PLAG1: variants seen among roughly 807,000 people sequenced by gnomAD.
PLAG1 encodes zinc finger protein PLAG1.
In PLAG1, 7 loss-of-function variants were observed where a neutral mutation model predicts 35.5. The observed-to-expected ratio is 0.20, with a 90% CI of 0.11 to 0.37. PLAG1 has a LOEUF of 0.37. PLAG1 is among the 10% of genes least tolerant of loss of function. PLAG1 has a pLI of 1.00. For synonymous variants in PLAG1, 229 were observed against 225.4 expected (o/e 1.02, Z -0.14); for missense variants, 454 against 602.8 (o/e 0.75, Z 2.58).
chr8:56,185,845 CA>C (rs1679038027), intron 1 of PLAG1, among the ~76,000 whole-genome samples: 1 of 152,200 alleles, frequency 6.6e-6, no homozygotes, highest in South Asian at 2.1e-4. Flanking sequence ...TGAAGTGTTT[CA>C]ATTCAGCCTC....
chr8:56,192,791 G>A (rs1470106329), intron 1 of PLAG1, among the ~76,000 whole-genome samples: 1 of 152,116 alleles, frequency 6.6e-6, no homozygotes, highest in East Asian at 1.9e-4. Flanking sequence ...GTGTTTGGAG[G>A]CAAAAAGCAG....
At chr8:56,188,928 A>T (rs1812098144) in intron 1 of PLAG1, among the ~76,000 whole-genome samples, 1 of 152,220 alleles carries the variant, frequency 6.6e-6, no homozygotes, top group African/African-American at 2.4e-5. Flanking sequence ...CAAAGGGGAA[A>T]AGATGACTCC....
intron 1 of PLAG1, among the ~76,000 whole-genome samples, chr8:56,192,701 T>C (rs551223018): frequency 1.3e-5 from 2 of 152,384 alleles, no homozygotes; most frequent in South Asian, 2.1e-4. Context: ...AATGTTATCA[T>C]GATTGCTTAT....
chr8:56,193,737 G>A (rs1230236453), intron 1 of PLAG1, among the ~76,000 whole-genome samples: 3 of 136,958 alleles, frequency 2.2e-5, no homozygotes, highest in East Asian at 2.2e-4. Context: ...TCACTCTGTC[G>A]CCCAGGCTGG....
chr8:56,202,684 C>T (rs902795841), intron 1 of PLAG1, among the ~76,000 whole-genome samples: 2 of 152,150 alleles, frequency 1.3e-5, no homozygotes, highest in African/African-American at 2.4e-5. Context: ...TCAAGCACCA[C>T]ATGAGATCTA....
At chr8:56,170,909 T>C (rs1811505735) in intron 3 of PLAG1, among the ~76,000 whole-genome samples, 182 bp downstream of exon 3, 1 of 152,232 alleles carries the variant, frequency 6.6e-6, no homozygotes, top group South Asian at 2.1e-4. Flanking sequence ...TCATGGCTGA[T>C]AATACCTTTT....
At chr8:56,190,756 C>T (rs1381145881) in intron 1 of PLAG1, among the ~76,000 whole-genome samples, 2 of 151,984 alleles carry the variant, frequency 1.3e-5, no homozygotes, top group Admixed American at 6.6e-5. Flanking sequence ...GGGCAGTACC[C>T]AGGGCATAAG....
intron 1 of PLAG1, among the ~76,000 whole-genome samples, chr8:56,190,920 G>A (rs932456295): frequency 6.6e-6 from 1 of 152,176 alleles, no homozygotes; most frequent in Non-Finnish European, 1.5e-5. Flanking sequence ...AACTAAAGGG[G>A]TAAGAACATT....
intron 1 of PLAG1, among the ~76,000 whole-genome samples, chr8:56,182,039 G>GTGTAATTTATAC (rs1811883539): frequency 6.6e-6 from 1 of 152,206 alleles, no homozygotes; most frequent in Admixed American, 6.5e-5. Context: ...CTACCGTGAA[G>GTGTAATTTATAC]TGTAATTTAT....
At chr8:56,198,297 G>A (rs981856882) in intron 1 of PLAG1, among the ~76,000 whole-genome samples, 2 of 152,222 alleles carry the variant, frequency 1.3e-5, no homozygotes, top group Middle Eastern at 3.2e-3. Flanking sequence ...CTCCAGGGCC[G>A]GTGAGAAGGA....
intron 2 of PLAG1, among the ~76,000 whole-genome samples, chr8:56,172,988 G>C (rs1483773479): frequency 6.6e-6 from 1 of 152,044 alleles, no homozygotes; most frequent in African/African-American, 2.4e-5. Context: ...AAAACGATTT[G>C]GGTAGAAACA....
chr8:56,168,359 T>A lies in PLAG1; in HGVS notation c.-90A>T. The A allele has an allele frequency of 7.3e-7, 1 of 1,368,840 alleles. No individual in the cohort carries two copies. The highest frequency in any genetic ancestry group is 9.5e-7 in the Non-Finnish European group (1 of 1,052,546). The allele number at this position is 1,368,840 out of a possible 1,614,324, so 84.8% of individuals were successfully genotyped here. On this transcript the variant is annotated 5_prime_UTR_variant, in exon 4 of 5. An upstream start codon of the reference 5' UTR is lost. Transcript: ENST00000316981. Reference sequence around the variant, plus strand: ...GCTTTAGGTGGCTTCTCAAGTTTCATGTGGTCGTAAAAGAAAGCAAAAAGG... The same window carrying A: ...GCTTTAGGTGGCTTCTCAAGTTTCAAGTGGTCGTAAAAGAAAGCAAAAAGG...
intron 1 of PLAG1, among the ~76,000 whole-genome samples, chr8:56,207,098 A>G (rs1161424616): frequency 2.0e-5 from 3 of 151,902 alleles, no homozygotes; most frequent in African/African-American, 7.2e-5. Context: ...GTAACTGGTA[A>G]TTTTTTATAT....
At chr8:56,205,936 A>G (rs1214259733) in intron 1 of PLAG1, among the ~76,000 whole-genome samples, 1 of 152,034 alleles carries the variant, frequency 6.6e-6, no homozygotes, top group Non-Finnish European at 1.5e-5. Context: ...TTTTAATACC[A>G]TGATCCTGTA....
chr8:56,186,362 T>C lies in PLAG1; in HGVS notation c.-321-6849A>G, dbSNP rs80256072. ...TTCAGTTTCTAATTAGGTTATTTTA[T>C]TCATTTTTATTTATTTTTATTTTTT... On this transcript the variant is annotated intron_variant, in intron 1 of 4. Coordinates refer to ENST00000316981, the MANE Select transcript of PLAG1 (RefSeq NM_002655.3). Among the ~76,000 whole-genome samples the C allele has an allele frequency of 7.4e-3, 1,120 of 152,266 alleles. 9 individuals are homozygous for C. The highest frequency in any genetic ancestry group is 0.026 in the African/African-American group (1,070 of 41,540).
chr8:56,173,097 T>C (rs1465161950), intron 2 of PLAG1, among the ~76,000 whole-genome samples: 1 of 152,130 alleles, frequency 6.6e-6, no homozygotes, highest in African/African-American at 2.4e-5. Context: ...AATACATTCA[T>C]AAAATCTTTA....
At chr8:56,179,947 C>T (rs920318448) in intron 1 of PLAG1, among the ~76,000 whole-genome samples, 1 of 151,944 alleles carries the variant, frequency 6.6e-6, no homozygotes, top group Non-Finnish European at 1.5e-5. Flanking sequence ...GAGACCAGGC[C>T]ACCTGTCCAC....
chr8:56,196,613 C>G (rs1412400887), intron 1 of PLAG1, among the ~76,000 whole-genome samples: 2 of 152,014 alleles, frequency 1.3e-5, no homozygotes, highest in African/African-American at 4.8e-5. Context: ...GCGTTTCCTG[C>G]CCCAAGTCTC....
At chr8:56,195,843 G>A (rs1812346219) in intron 1 of PLAG1, among the ~76,000 whole-genome samples, 1 of 152,160 alleles carries the variant, frequency 6.6e-6, no homozygotes, top group Admixed American at 6.5e-5. Context: ...AGCCCAAGAT[G>A]GGCAACACAA....
Sources: gnomAD v4.1 joint callset for allele counts (sites outside exome capture counted in the v4.1 genomes callset) on GRCh38, gnomAD v4.1.1 for gene constraint, MANE v1.5 for transcripts, NCBI Gene and HGNC (gene_info 2026-07-23, HGNC 2026-07-21) for gene names.